KCP: variants seen among roughly 807,000 people sequenced by gnomAD.
KCP encodes kielin cysteine rich BMP regulator.
A neutral mutation model predicts 212.7 loss-of-function variants in KCP; 194 were observed. The observed-to-expected ratio is 0.91, with a 90% confidence interval of 0.81 to 1.03. The LOEUF is 1.03. Among genes scored for constraint, KCP ranks in the 50% least tolerant of loss-of-function variants. The probability of loss-of-function intolerance (pLI) is 0.00; values close to 1 mark genes in which losing one functional copy is unlikely to be tolerated. For missense variants in KCP, 2,080 were observed against 2,162.5 expected (o/e 0.96, Z 0.76); for synonymous variants, 833 against 865.3 (o/e 0.96, Z 0.65).
intron 29 of KCP, among the ~76,000 whole-genome samples, chr7:128,883,643 TC>T (rs1563023226): frequency 1.3e-5 from 2 of 152,136 alleles, no homozygotes; most frequent in East Asian, 3.9e-4. Flanking sequence ...TCTTTACTTT[TC>T]CCCCCAATCT....
chr7:128,901,540 G>A (rs1794843934), intron 8 of KCP, among the ~76,000 whole-genome samples: 1 of 152,082 alleles, frequency 6.6e-6, no homozygotes, highest in African/African-American at 2.4e-5. Flanking sequence ...GCAGGAGAAT[G>A]GCGTGAACCT....
intron 18 of KCP, 73 bp downstream of exon 18, chr7:128,891,378 G>C: frequency 1.3e-6 from 2 of 1,546,878 alleles, no homozygotes; most frequent in South Asian, 2.4e-5. Flanking sequence ...CTCCCACCTG[G>C]GCGGGCCTCT....
chr7:128,904,039 G>A lies in KCP; in HGVS notation c.654+17C>T, dbSNP rs574418053. 1 of 1,549,340 alleles carries A rather than the reference G, an allele frequency of 6.5e-7. No individual in the cohort carries two copies. Among genetic ancestry groups the A allele is most frequent in the Non-Finnish European group, 8.7e-7 (1 of 1,144,928 alleles). The stretch of plus-strand genomic sequence containing the variant: ...AGGGAGGTGCAGGGCCTGGGCAGAG[G>A]GGACAGGTGGACTCACCAGGCAGGT... On this transcript the variant is annotated intron_variant, in intron 6 of 39. Coordinates refer to ENST00000610776, the MANE Select transcript of KCP (RefSeq NM_001366122.1).
intron 21 of KCP, chr7:128,889,920 CTTTT>C (rs35633844): frequency 0.071 from 7,062 of 98,856 alleles, 122 homozygotes; most frequent in African/African-American, 0.14. Context: ...TAGTGTCAGG[CTTTT>C]TTTTTTTTTT....
At chr7:128,906,957 G>C in intron 4 of KCP, 144 bp downstream of exon 4, 1 of 792,958 alleles carries the variant, frequency 1.3e-6, no homozygotes. Context: ...TTCCTACTCG[G>C]AATCAACTGA....
chr7:128,887,294 C>T lies in KCP; in HGVS notation c.2519G>A (p.Arg840His), dbSNP rs935377722. Residue 840 changes from arginine to histidine, a missense_variant, in exon 23 of 40, where the codon CGC becomes CAC. By Grantham distance (29) the Arg-to-His change is conservative. Transcript: ENST00000610776. ...GHCCPTCQGC[R>H]YHGVTTASGE... is the part of the protein sequence containing the mutation. ...GGAGGCAGTAGTGACGCCATGGTAG[C>T]GGCATCCTGGCAGAGCGGGGAGTCC... The T allele has an allele frequency of 2.3e-5, 35 of 1,551,030 alleles. No homozygotes were observed. Among genetic ancestry groups the T allele is most frequent in the African/African-American group, 6.9e-5 (5 of 72,962 alleles).
At chr7:128,890,063 C>T in intron 21 of KCP, 1 of 450,278 alleles carries the variant, frequency 2.2e-6, no homozygotes, top group Non-Finnish European at 4.1e-6. Context: ...GATGGAACTA[C>T]AAGAGGCACC....
At chr7:128,886,814 A>C in intron 24 of KCP, 62 bp downstream of exon 24, 1 of 1,292,294 alleles carries the variant, frequency 7.7e-7, no homozygotes, top group Non-Finnish European at 1.1e-6. Flanking sequence ...CCTGGCAGGA[A>C]GGGAAGGGGG....
At chr7:128,908,663 G>A (rs1795280862) in intron 1 of KCP, 95 bp from the exon 2 acceptor site, 1 of 1,345,542 alleles carries the variant, frequency 7.4e-7, no homozygotes, top group African/African-American at 1.5e-5. Context: ...GGGGAAGGGG[G>A]TCATCCTGTG....
chr7:128,891,507 G>A lies in KCP; in HGVS notation c.1822C>T (p.Pro608Ser). The A allele has an allele frequency of 6.5e-7, 1 of 1,549,612 alleles. No homozygotes were observed. The highest frequency in any genetic ancestry group is 8.7e-7 in the Non-Finnish European group (1 of 1,146,362). The stretch of plus-strand genomic sequence containing the variant: ...GGGTGGGGGAAGTCCGCTCCGCTGG[G>A]GTACTCTTTCCCGCCAAAGGCACAG... ...SGCAFGGKEYPSGADFPHPSD... is the reference protein window; with the variant it reads ...SGCAFGGKEYSSGADFPHPSD... The change falls in exon 18 of 40, where the codon CCC (proline) becomes TCC (serine). Residue 608 changes from proline (P) to serine (S), a missense_variant. By Grantham distance (74) the Pro-to-Ser change is moderately conservative. Transcript: ENST00000610776.
intron 5 of KCP, 132 bp from the exon 6 acceptor site, chr7:128,904,270 G>T: frequency 1.3e-6 from 2 of 1,551,664 alleles, no homozygotes; most frequent in Non-Finnish European, 1.7e-6. Flanking sequence ...GGGCAGGACA[G>T]GGCAGGAGGT....
chr7:128,903,138 C>T, intron 7 of KCP: 1 of 507,052 alleles, frequency 2.0e-6, no homozygotes, highest in Non-Finnish European at 3.5e-6. Context: ...CCTCTCACAC[C>T]TTCCCAGCCA....
chr7:128,896,726 A>G (rs1794547475), intron 8 of KCP, among the ~76,000 whole-genome samples: 1 of 151,992 alleles, frequency 6.6e-6, no homozygotes, highest in South Asian at 2.1e-4. Flanking sequence ...CTCCGTCTCT[A>G]CTAAAAATAC....
At chr7:128,881,892 A>T in intron 30 of KCP, 45 bp downstream of exon 30, 8 of 1,520,780 alleles carry the variant, frequency 5.3e-6, no homozygotes, top group Non-Finnish European at 7.1e-6. Flanking sequence ...CCCACAGAGA[A>T]GGAAGAAGAG....
At chr7:128,896,930 G>T (rs1416564617) in intron 8 of KCP, among the ~76,000 whole-genome samples, 1 of 145,090 alleles carries the variant, frequency 6.9e-6, no homozygotes, top group South Asian at 2.2e-4. Context: ...CTTCTCTACC[G>T]ATACACAGCC....
intron 38 of KCP, 127 bp from the exon 39 acceptor site, chr7:128,877,917 A>AAATGAAGTACTGTCTACCTTCTT: frequency 1.2e-6 from 1 of 809,226 alleles, no homozygotes; most frequent in South Asian, 1.8e-5. Flanking sequence ...AAAGAACAGC[A>AAATGAAGTACTGTCTACCTTCTT]AATGAAGTAC....
chr7:128,901,566 C>T (rs1325492710), intron 8 of KCP, among the ~76,000 whole-genome samples: 1 of 152,110 alleles, frequency 6.6e-6, no homozygotes, highest in African/African-American at 2.4e-5. Context: ...GCGGAGCTTG[C>T]CGTGAGCCAA....
At position 128,886,460 on chromosome 7, in the gene KCP, A is replaced by G. The variant is rs1240932102; in HGVS notation, c.2866+4T>C. 4 of 1,545,790 alleles carry G rather than the reference A, an allele frequency of 2.6e-6. No homozygotes were observed. Among genetic ancestry groups the G allele is most frequent in the Non-Finnish European group, 3.5e-6 (4 of 1,143,722 alleles). On this transcript the variant is annotated splice_donor_region_variant and intron_variant, in intron 26 of 39. Coordinates refer to ENST00000610776, the MANE Select transcript of KCP (RefSeq NM_001366122.1). ...GCAAGGGGTAGGGCTACAGGCGGCC[A>G]TACCTCTGCAGCGAGGGCAGCAGCT...
rs1239335580 is a variant in KCP at position 128,890,448 on chromosome 7, G to T, written c.2230C>A (p.His744Asn). The T allele has an allele frequency of 6.4e-7, 1 of 1,551,108 alleles. No homozygotes were observed. The highest frequency in any genetic ancestry group is 1.2e-5 in the South Asian group (1 of 84,048). ...ERFPSPTAAC[H>N]LCLCWEGSVS... Reference sequence around the variant, plus strand: ...CTGCCCTCCCAGCAAAGGCAGAGGTGGCAGGCAGCAGTGGGCGATGGGAAG... The same window carrying T: ...CTGCCCTCCCAGCAAAGGCAGAGGTTGCAGGCAGCAGTGGGCGATGGGAAG... Residue 744 changes from histidine (H) to asparagine (N), a missense_variant, in exon 21 of 40, where the codon CAC (histidine) becomes AAC (asparagine). His to Asn is a moderately conservative substitution (Grantham distance 68). Coordinates refer to ENST00000610776, the MANE Select transcript of KCP (RefSeq NM_001366122.1).
Sources: allele counts gnomAD v4.1 joint callset (sites outside exome capture counted in the v4.1 genomes callset), GRCh38; gene constraint gnomAD v4.1.1; transcripts MANE v1.5; gene names NCBI Gene and HGNC (gene_info 2026-07-23, HGNC 2026-07-21).